Variants in ITFG1 observed in about 807,000 individuals in gnomAD.
The protein encoded by ITFG1 is integrin alpha FG-GAP repeat containing 1, also known as T-cell immunomodulatory protein.
A neutral mutation model predicts 81.8 loss-of-function variants in ITFG1; 34 were observed. The observed-to-expected ratio is 0.42, with a 90% CI of 0.32 to 0.55. ITFG1 has a LOEUF of 0.55. Among genes scored for constraint, ITFG1 ranks in the 20% least tolerant of loss-of-function variants. The pLI, the probability that ITFG1 is intolerant of heterozygous loss-of-function variation, is 0.17. For missense variants in ITFG1, 672 were observed against 755.4 expected (o/e 0.89, Z 1.29); for synonymous variants, 285 against 270.6 (o/e 1.05, Z -0.52).
chr16:47,368,048 C>A (rs979641419), intron 7 of ITFG1, among the ~76,000 whole-genome samples: 3 of 151,638 alleles, frequency 2.0e-5, no homozygotes, highest in African/African-American at 7.3e-5. Context: ...TCCTGGCTAA[C>A]ACGGTGAAAC....
intron 16 of ITFG1, among the ~76,000 whole-genome samples, chr16:47,159,598 T>C (rs554520055): frequency 6.6e-6 from 1 of 152,294 alleles, no homozygotes; most frequent in African/African-American, 2.4e-5. Context: ...ATATACAGAC[T>C]AGAGGTCTTT....
chr16:47,268,785 T>C (rs529235325), intron 10 of ITFG1, among the ~76,000 whole-genome samples: 1 of 152,348 alleles, frequency 6.6e-6, no homozygotes, highest in Non-Finnish European at 1.5e-5. Flanking sequence ...GTGAACACTG[T>C]AGGAATATTA....
rs574268331 is a variant in ITFG1 at position 47,416,974 on chromosome 16, T to C, written c.655+11830A>G. ...AAGATAGCGGGACTACTGCTTACTA[T>C]TACCTGTTATTGCTACATAGTAGTT... On this transcript the variant is annotated intron_variant, in intron 6 of 17. Coordinates refer to ENST00000320640, the MANE Select transcript of ITFG1 (RefSeq NM_030790.5). Among the ~76,000 whole-genome samples, 4 of 152,370 alleles carry C rather than the reference T, an allele frequency of 2.6e-5. No homozygotes were observed. In the South Asian group the frequency reaches 8.3e-4, roughly 32 times the overall value.
chr16:47,437,156 G>A (rs1230879491), intron 5 of ITFG1, among the ~76,000 whole-genome samples: 4 of 152,098 alleles, frequency 2.6e-5, no homozygotes, highest in Non-Finnish European at 5.9e-5. Flanking sequence ...AACATGTTGT[G>A]ATTATGTATT....
At chr16:47,218,320 T>C (rs1406975384) in intron 14 of ITFG1, 2 of 152,236 alleles carry the variant, frequency 1.3e-5, no homozygotes, top group Non-Finnish European at 2.9e-5. Context: ...CAGTCAGCCA[T>C]CTGTTAAAAG....
intron 8 of ITFG1, among the ~76,000 whole-genome samples, chr16:47,355,212 G>T (rs988906849): frequency 6.6e-6 from 1 of 152,030 alleles, no homozygotes; most frequent in Non-Finnish European, 1.5e-5. Flanking sequence ...GTTCAGACAC[G>T]AAAAGGAATG....
intron 6 of ITFG1, among the ~76,000 whole-genome samples, chr16:47,396,577 G>T (rs975473160): frequency 7.1e-6 from 1 of 140,028 alleles, no homozygotes; most frequent in Non-Finnish European, 1.5e-5. Context: ...AAGGTGGCTG[G>T]GTTTACCTAG....
At chr16:47,439,664 C>T (rs1267775640) in intron 5 of ITFG1, among the ~76,000 whole-genome samples, 1 of 152,094 alleles carries the variant, frequency 6.6e-6, no homozygotes, top group Non-Finnish European at 1.5e-5. Context: ...CAGGCCTGCC[C>T]TAAAAGAGCT....
chr16:47,371,765 TGAGAA>T, intron 7 of ITFG1, among the ~76,000 whole-genome samples: 1 of 152,138 alleles, frequency 6.6e-6, no homozygotes, highest in African/African-American at 2.4e-5. Flanking sequence ...TATGAACTAG[TGAGAA>T]GAGGTCAGGG....
chr16:47,412,424 G>C (rs1968822598), intron 6 of ITFG1, among the ~76,000 whole-genome samples: 1 of 152,050 alleles, frequency 6.6e-6, no homozygotes, highest in Non-Finnish European at 1.5e-5. Context: ...AACTTCTCAA[G>C]TCAAAAAATT....
chr16:47,285,348 C>T (rs1231985435), intron 10 of ITFG1, among the ~76,000 whole-genome samples: 1 of 152,152 alleles, frequency 6.6e-6, no homozygotes, highest in Non-Finnish European at 1.5e-5. Flanking sequence ...GCTCTGAGCC[C>T]CTGCCCCGTA....
chr16:47,351,942 C>A (rs1967963985), intron 8 of ITFG1, among the ~76,000 whole-genome samples: 1 of 151,720 alleles, frequency 6.6e-6, no homozygotes, highest in Admixed American at 6.6e-5. Context: ...ATAAACCTGA[C>A]AAAAAAGAAA....
chr16:47,192,263 G>A (rs1232662882), intron 14 of ITFG1, among the ~76,000 whole-genome samples: 2 of 152,188 alleles, frequency 1.3e-5, no homozygotes, highest in Non-Finnish European at 2.9e-5. Context: ...ATGGTAAGTA[G>A]TCATTTAGTG....
intron 3 of ITFG1, among the ~76,000 whole-genome samples, chr16:47,453,560 G>A (rs1294549114): frequency 2.6e-5 from 4 of 152,196 alleles, no homozygotes; most frequent in African/African-American, 9.7e-5. Flanking sequence ...ATCTGTGTCT[G>A]CTCACTGAAT....
intron 10 of ITFG1, among the ~76,000 whole-genome samples, chr16:47,296,055 T>C (rs1422170856): frequency 6.6e-6 from 1 of 151,596 alleles, no homozygotes; most frequent in Non-Finnish European, 1.5e-5. Context: ...TGCATCACCA[T>C]GTCCCGGCTA....
In ITFG1 at chr16:47,187,404, CA is replaced by C. The variant is rs1315896601; in HGVS notation, c.1454-24741del. Among the ~76,000 whole-genome samples the C allele has an allele frequency of 7.9e-5, 12 of 151,856 alleles. No individual in the cohort carries two copies. In the East Asian group the frequency reaches 1.9e-3, roughly 25 times the overall value. The stretch of plus-strand genomic sequence containing the variant: ...AACCAAAACAGCATGGTACTGGTAC[CA>C]AAACAGAGATATAGATCAATGGAAC... On this transcript the variant is annotated intron_variant, in intron 14 of 17. Coordinates refer to ENST00000320640, the MANE Select transcript of ITFG1 (RefSeq NM_030790.5).
intron 12 of ITFG1, among the ~76,000 whole-genome samples, chr16:47,242,248 A>C (rs2151535545): frequency 6.6e-6 from 1 of 152,158 alleles, no homozygotes; most frequent in South Asian, 2.1e-4. Flanking sequence ...ATATAAAAAG[A>C]ACTTCTAGAT....
At chr16:47,361,808 C>T (rs970170391) in intron 8 of ITFG1, among the ~76,000 whole-genome samples, 3 of 152,098 alleles carry the variant, frequency 2.0e-5, no homozygotes, top group Non-Finnish European at 1.5e-5. Context: ...TAGTATCTGC[C>T]GATGGTTTCT....
chr16:47,443,293 G>C (rs1392658704), intron 5 of ITFG1, among the ~76,000 whole-genome samples: 1 of 152,188 alleles, frequency 6.6e-6, no homozygotes, highest in Non-Finnish European at 1.5e-5. Flanking sequence ...CTTTTACACT[G>C]TTGGTGGGAG....
Sources: allele counts gnomAD v4.1 joint callset (sites outside exome capture counted in the v4.1 genomes callset), GRCh38; gene constraint gnomAD v4.1.1; transcripts MANE v1.5; gene names NCBI Gene and HGNC (gene_info 2026-07-23, HGNC 2026-07-21).